IGF1R: variants seen among roughly 807,000 people sequenced by gnomAD.
IGF1R encodes insulin like growth factor 1 receptor, also known as insulin-like growth factor 1 receptor.
In IGF1R, 44 loss-of-function variants were observed where a neutral mutation model predicts 144.6. The observed-to-expected ratio is 0.30, with a 90% CI of 0.24 to 0.39. The LOEUF is 0.39. Ranked by LOEUF, IGF1R falls within the 10% of genes least tolerant of loss-of-function variation. The pLI is 1.00. For synonymous variants in IGF1R, 795 were observed against 722.8 expected (o/e 1.10, Z -1.60); for missense variants, 1,355 against 1,833.7 (o/e 0.74, Z 4.77).
intron 2 of IGF1R, among the ~76,000 whole-genome samples, chr15:98,878,261 T>A (rs1017566356): frequency 1.3e-5 from 2 of 152,228 alleles, no homozygotes; most frequent in African/African-American, 4.8e-5. Flanking sequence ...CAGGCCTGCC[T>A]TGTTAGGAAA....
intron 1 of IGF1R, 91 bp downstream of exon 1, chr15:98,649,766 C>A: frequency 1.0e-6 from 1 of 980,206 alleles, no homozygotes; most frequent in Non-Finnish European, 1.6e-6. Flanking sequence ...GCCACCGTCG[C>A]AGCTGTCGGG....
chr15:98,673,792 TG>T (rs2052960941), intron 1 of IGF1R, among the ~76,000 whole-genome samples: 1 of 152,192 alleles, frequency 6.6e-6, no homozygotes, highest in South Asian at 2.1e-4. Flanking sequence ...AAATAGTTAT[TG>T]TGCAAATACC....
intron 18 of IGF1R, among the ~76,000 whole-genome samples, chr15:98,940,103 GC>G (rs2016310760): frequency 6.6e-6 from 1 of 152,202 alleles, no homozygotes; most frequent in African/African-American, 2.4e-5. Flanking sequence ...CTTTTAATCT[GC>G]CTAATAAAAA....
chr15:98,936,337 C>T (rs1005014944), intron 17 of IGF1R, among the ~76,000 whole-genome samples: 2 of 152,188 alleles, frequency 1.3e-5, no homozygotes, highest in Non-Finnish European at 2.9e-5. Context: ...CGTGGTGTCT[C>T]CCCCCTCTGT....
At chr15:98,939,387 G>A in intron 18 of IGF1R, 27 bp downstream of exon 18, 1 of 1,612,886 alleles carries the variant, frequency 6.2e-7, no homozygotes, top group Non-Finnish European at 8.5e-7. Context: ...CCAGGTCTGG[G>A]CAAGAACTAA....
Position 98,913,242 on chromosome 15 carries a change from G to A in IGF1R, c.1788G>A (p.Gly596=), listed in dbSNP as rs1280926555. Residue 596 remains glycine (G), a synonymous_variant, in exon 8 of 21, where the codon GGG becomes GGA. Coordinates refer to ENST00000650285, the MANE Select transcript of IGF1R (RefSeq NM_000875.5). ...TGGTGGAGAACGACCATATCCGTGG[G>A]GCCAAGAGTGAGATCTTGTACATTC... ...LTMVENDHIR[G]AKSEILYIRT... is the part of the protein sequence containing the mutation. The A allele has an allele frequency of 1.2e-6, 2 of 1,614,150 alleles. No individual in the cohort carries two copies. Among genetic ancestry groups the A allele is most frequent in the East Asian group, 2.2e-5 (1 of 44,872 alleles).
chr15:98,910,527 G>A (rs376517733), intron 6 of IGF1R, among the ~76,000 whole-genome samples: 4 of 152,208 alleles, frequency 2.6e-5, no homozygotes, highest in East Asian at 1.9e-4. Context: ...ATAAGAGGGC[G>A]AAAGGACAAT....
At chr15:98,696,514 A>G (rs1318375293) in intron 1 of IGF1R, among the ~76,000 whole-genome samples, 1 of 152,256 alleles carries the variant, frequency 6.6e-6, no homozygotes, top group Non-Finnish European at 1.5e-5. Context: ...GAATATACAT[A>G]TTAAGAAAAA....
chr15:98,775,209 C>T (rs879374935), intron 2 of IGF1R, among the ~76,000 whole-genome samples: 2 of 152,284 alleles, frequency 1.3e-5, no homozygotes, highest in African/African-American at 4.8e-5. Flanking sequence ...CTGTAGCAAG[C>T]GGGACCATTG....
intron 2 of IGF1R, among the ~76,000 whole-genome samples, chr15:98,721,027 T>C (rs957494981): frequency 2.6e-5 from 4 of 151,880 alleles, no homozygotes; most frequent in Non-Finnish European, 4.4e-5. Flanking sequence ...GGTTTGGGAG[T>C]TGGGTGCGTT....
At chr15:98,764,340 T>C (rs962906554) in intron 2 of IGF1R, among the ~76,000 whole-genome samples, 17 of 152,230 alleles carry the variant, frequency 1.1e-4, no homozygotes, top group Admixed American at 9.2e-4. Context: ...TTTTTGTTTT[T>C]GTTTTTTTGT....
intron 2 of IGF1R, among the ~76,000 whole-genome samples, chr15:98,759,997 G>A (rs878998215): frequency 6.6e-6 from 1 of 152,162 alleles, no homozygotes; most frequent in Admixed American, 6.5e-5. Context: ...TGGTTATTGT[G>A]TGAGAACACC....
chr15:98,888,395 T>G (rs986610857), intron 2 of IGF1R, among the ~76,000 whole-genome samples: 9 of 151,836 alleles, frequency 5.9e-5, no homozygotes, highest in Admixed American at 2.0e-4. Context: ...ATATTTGAAA[T>G]TATTAACTGT....
chr15:98,675,780 A>G (rs898401638), intron 1 of IGF1R, among the ~76,000 whole-genome samples: 1 of 144,788 alleles, frequency 6.9e-6, no homozygotes, highest in Non-Finnish European at 1.5e-5. Flanking sequence ...TTTTTTCTTC[A>G]CTGGATTATG....
chr15:98,921,479 A>G (rs919873912), intron 10 of IGF1R, among the ~76,000 whole-genome samples: 23 of 152,152 alleles, frequency 1.5e-4, no homozygotes, highest in African/African-American at 5.1e-4. Flanking sequence ...TGATGAGGCC[A>G]CAGGTGCTCA....
At chr15:98,927,010 CTG>C (rs1427919309) in intron 13 of IGF1R, among the ~76,000 whole-genome samples, 1 of 152,118 alleles carries the variant, frequency 6.6e-6, no homozygotes, top group Non-Finnish European at 1.5e-5. Context: ...GTTTGGGGGT[CTG>C]TGATCTGTGA....
intron 2 of IGF1R, among the ~76,000 whole-genome samples, chr15:98,794,729 A>G (rs1387072177): frequency 1.3e-5 from 2 of 152,240 alleles, no homozygotes; most frequent in African/African-American, 4.8e-5. Flanking sequence ...TTCAAAATGG[A>G]ATAATTTCAG....
chr15:98,801,457 C>G (rs2056362215), intron 2 of IGF1R, among the ~76,000 whole-genome samples: 1 of 152,220 alleles, frequency 6.6e-6, no homozygotes, highest in Admixed American at 6.5e-5. Context: ...GAGGGGCAGC[C>G]TGGTTACAGC....
At chr15:98,809,167 C>G (rs1567139146) in intron 2 of IGF1R, among the ~76,000 whole-genome samples, 1 of 152,292 alleles carries the variant, frequency 6.6e-6, no homozygotes, top group East Asian at 1.9e-4. Flanking sequence ...CCGGGGGCAC[C>G]CTGCCGTGAC....
Sources: allele counts gnomAD v4.1 joint callset (sites outside exome capture counted in the v4.1 genomes callset), GRCh38; gene constraint gnomAD v4.1.1; transcripts MANE v1.5; gene names NCBI Gene and HGNC (gene_info 2026-07-23, HGNC 2026-07-21).